The following RHOJ variants were observed in gnomAD, a reference collection of about 807,000 sequenced individuals.
The protein encoded by RHOJ is rho-related GTP-binding protein RhoJ.
A neutral mutation model predicts 23.4 loss-of-function variants in RHOJ; 11 were observed. That is an observed-to-expected ratio of 0.47 (90% CI 0.30 to 0.78). RHOJ has a LOEUF of 0.78. Among genes scored for constraint, RHOJ ranks in the 30% least tolerant of loss-of-function variants. The pLI is 0.08. For synonymous variants in RHOJ, 102 were observed against 102.7 expected (o/e 0.99, Z 0.04); for missense variants, 254 against 273.4 (o/e 0.93, Z 0.50).
chr14:63,278,720 C>T (rs1262032507), intron 2 of RHOJ, among the ~76,000 whole-genome samples: 3 of 152,100 alleles, frequency 2.0e-5, no homozygotes, highest in East Asian at 1.9e-4. Flanking sequence ...TGGTGACTCA[C>T]GCCTATCATC....
At chr14:63,281,781 A>G (rs1340151736) in intron 3 of RHOJ, among the ~76,000 whole-genome samples, 1 of 152,242 alleles carries the variant, frequency 6.6e-6, no homozygotes, top group African/African-American at 2.4e-5. Context: ...CATCAAATGT[A>G]TTAAGGATTG....
chr14:63,245,358 T>G (rs551122919), intron 1 of RHOJ, among the ~76,000 whole-genome samples: 1 of 151,934 alleles, frequency 6.6e-6, no homozygotes, highest in South Asian at 2.1e-4. Flanking sequence ...TTTAAAAAAT[T>G]CTCTTGGCCG....
At chr14:63,269,213 G>A (rs200553084) in intron 2 of RHOJ, 45 bp downstream of exon 2, 215 of 1,426,896 alleles carry the variant, frequency 1.5e-4, no homozygotes, top group Non-Finnish European at 1.9e-4. Flanking sequence ...GTGGTGTAGG[G>A]GAGAAAAAGA....
At chr14:63,212,576 G>A (rs1489025323) in intron 1 of RHOJ, among the ~76,000 whole-genome samples, 1 of 152,114 alleles carries the variant, frequency 6.6e-6, no homozygotes, top group Admixed American at 6.5e-5. Context: ...ATGCGGTGGT[G>A]GGACAGGAAT....
chr14:63,217,570 C>A (rs889350195), intron 1 of RHOJ, among the ~76,000 whole-genome samples: 11 of 151,994 alleles, frequency 7.2e-5, no homozygotes, highest in South Asian at 4.2e-4. Context: ...AACGTTAGAC[C>A]TAAAACCATA....
At chr14:63,224,650 C>G (rs1206683834) in intron 1 of RHOJ, among the ~76,000 whole-genome samples, 1 of 152,146 alleles carries the variant, frequency 6.6e-6, no homozygotes, top group African/African-American at 2.4e-5. Flanking sequence ...AATGTATTGT[C>G]TAGTGAAAAA....
intron 1 of RHOJ, among the ~76,000 whole-genome samples, chr14:63,229,586 A>G (rs924196872): frequency 1.3e-5 from 2 of 152,112 alleles, no homozygotes; most frequent in Non-Finnish European, 2.9e-5. Flanking sequence ...CAGTTTCTAG[A>G]GGTCACTCGC....
Position 63,229,964 on chromosome 14 carries a change from C to T in RHOJ, c.178+24917C>T, listed in dbSNP as rs116785869. 3.6e-3 allele frequency among the ~76,000 whole-genome samples: 547 copies of T among 152,180 alleles called. 3 individuals are homozygous for T. The highest frequency in any genetic ancestry group is 0.011 in the African/African-American group (465 of 41,524). On this transcript the variant is annotated intron_variant, in intron 1 of 4. Transcript: ENST00000316754. The stretch of plus-strand genomic sequence containing the variant: ...AAGGAATAGTAACCCAAATTTAGGC[C>T]GCTAAGAATTTTCTCCCTTCTCCAC...
chr14:63,284,553 C>T (rs1305703651), intron 4 of RHOJ, among the ~76,000 whole-genome samples: 1 of 152,208 alleles, frequency 6.6e-6, no homozygotes, highest in African/African-American at 2.4e-5. Context: ...CACTCGTGTA[C>T]CTGACCGTCA....
At chr14:63,229,781 G>A (rs76686486) in intron 1 of RHOJ, among the ~76,000 whole-genome samples, 108 of 152,296 alleles carry the variant, frequency 7.1e-4, no homozygotes, top group African/African-American at 2.6e-3. Context: ...TATCTTAAGG[G>A]CAGCTGATTG....
chr14:63,240,856 G>A (rs543680374), intron 1 of RHOJ, among the ~76,000 whole-genome samples: 26 of 152,264 alleles, frequency 1.7e-4, no homozygotes, highest in African/African-American at 5.8e-4. Flanking sequence ...ATTTATAATA[G>A]GATTCCACTG....
chr14:63,284,200 G>A, intron 4 of RHOJ: 1 of 982,992 alleles, frequency 1.0e-6, no homozygotes, highest in African/African-American at 1.7e-5. Context: ...ATTAAATCTT[G>A]CTTGCAGGCA....
At chr14:63,274,459 C>A (rs941946268) in intron 2 of RHOJ, among the ~76,000 whole-genome samples, 1 of 152,136 alleles carries the variant, frequency 6.6e-6, no homozygotes, top group African/African-American at 2.4e-5. Flanking sequence ...CTGAGAGTTG[C>A]AGTTGGAGTT....
intron 1 of RHOJ, among the ~76,000 whole-genome samples, chr14:63,248,499 G>A (rs1348153746): frequency 1.3e-5 from 2 of 152,108 alleles, no homozygotes; most frequent in Non-Finnish European, 1.5e-5. Context: ...GTATCCAGAA[G>A]GGAATTCCAT....
At chr14:63,229,494 T>G (rs985938747) in intron 1 of RHOJ, among the ~76,000 whole-genome samples, 1 of 152,284 alleles carries the variant, frequency 6.6e-6, no homozygotes, top group South Asian at 2.1e-4. Context: ...GCTTATTCTT[T>G]TTTTTTTGCA....
At position 63,248,928 on chromosome 14, in the gene RHOJ, C is replaced by T. The variant is rs546710278; in HGVS notation, c.179-20182C>T. Reference sequence around the variant, plus strand: ...GAAAGAGGAACCATTCCCCACTTCCCCCGCATCTCCACCCTCACTCAAAGA... The same window carrying T: ...GAAAGAGGAACCATTCCCCACTTCCTCCGCATCTCCACCCTCACTCAAAGA... On this transcript the variant is annotated intron_variant, in intron 1 of 4. Transcript: ENST00000316754. 6.6e-5 allele frequency among the ~76,000 whole-genome samples: 10 copies of T among 152,316 alleles called. No homozygotes were observed. In the East Asian group the frequency reaches 1.9e-3, roughly 29 times the overall value.
In RHOJ at chr14:63,292,972, A is replaced by C; in HGVS notation, c.*1948A>C. ...CAAAAAAAAAAAAAAAACAACCTAC[A>C]TTTCAAGTACTATTTCCCTTCTCTC... On this transcript the variant is annotated 3_prime_UTR_variant, in exon 5 of 5. Transcript: ENST00000316754. 1 of 151,342 alleles carries C rather than the reference A, an allele frequency of 6.6e-6. No individual in the cohort carries two copies. The highest frequency in any genetic ancestry group is 2.4e-5 in the African/African-American group (1 of 41,084). The allele number at this position is 151,342 out of a possible 1,614,324, so 9.4% of individuals were successfully genotyped here.
At chr14:63,227,683 CAT>C (rs1894620025) in intron 1 of RHOJ, among the ~76,000 whole-genome samples, 1 of 152,132 alleles carries the variant, frequency 6.6e-6, no homozygotes, top group South Asian at 2.1e-4. Flanking sequence ...AAAGTCAAAA[CAT>C]AGAAAATGCA....
At chr14:63,230,848 T>G (rs933578261) in intron 1 of RHOJ, among the ~76,000 whole-genome samples, 2 of 147,902 alleles carry the variant, frequency 1.4e-5, no homozygotes, top group African/African-American at 5.2e-5. Context: ...AGGCTTTTTT[T>G]TTTTTTTTTT....
Sources: allele counts gnomAD v4.1 joint callset (sites outside exome capture counted in the v4.1 genomes callset), GRCh38; gene constraint gnomAD v4.1.1; transcripts MANE v1.5; gene names NCBI Gene and HGNC (gene_info 2026-07-23, HGNC 2026-07-21).